Variants in PRKCB observed in about 807,000 individuals in gnomAD.
PRKCB encodes the protein protein kinase C beta type.
PRKCB carries 13 observed loss-of-function variants against 81.5 expected under a neutral mutation model. The ratio of observed to expected loss-of-function variants is 0.16; its 90% CI spans 0.10 to 0.25. The LOEUF (loss-of-function observed/expected upper bound fraction) is 0.25, where lower values mean the gene tolerates loss of function less well. Among genes scored for constraint, PRKCB ranks in the 10% least tolerant of loss-of-function variants. The pLI, the probability that PRKCB is intolerant of heterozygous loss-of-function variation, is 1.00. For synonymous variants in PRKCB, 335 were observed against 321.4 expected, an observed-to-expected ratio of 1.04 and a Z score of -0.45; for missense variants, 509 against 875.7, an observed-to-expected ratio of 0.58 and a Z score of 5.29.
At chr16:24,191,418 A>T in intron 16 of PRKCB, 188 bp downstream of exon 16, 5 of 565,416 alleles carry the variant, frequency 8.8e-6, no homozygotes, top group Non-Finnish European at 6.0e-6. Context: ...GGCCCAGCTT[A>T]GTCTCTATAA....
At chr16:24,079,716 T>C (rs1369746056) in intron 5 of PRKCB, among the ~76,000 whole-genome samples, 2 of 152,202 alleles carry the variant, frequency 1.3e-5, no homozygotes, top group African/African-American at 4.8e-5. Context: ...CTAAGCCTCT[T>C]ATACAATACT....
At chr16:24,000,831 A>T (rs534776576) in intron 3 of PRKCB, among the ~76,000 whole-genome samples, 2 of 152,214 alleles carry the variant, frequency 1.3e-5, no homozygotes, top group Non-Finnish European at 2.9e-5. Context: ...ATGCAGTGCT[A>T]AGAAAAGAAC....
chr16:23,976,472 C>G (rs894686274), intron 2 of PRKCB, among the ~76,000 whole-genome samples: 4 of 152,202 alleles, frequency 2.6e-5, no homozygotes, highest in Non-Finnish European at 5.9e-5. Context: ...TGAATCCCCA[C>G]TGTGGCCCAG....
At chr16:24,132,794 T>C (rs1013495093) in intron 9 of PRKCB, among the ~76,000 whole-genome samples, 4 of 60,104 alleles carry the variant, frequency 6.7e-5, no homozygotes, top group Non-Finnish European at 1.3e-4. Context: ...TTTTTTTTTC[T>C]TCTAGAGACA....
chr16:23,927,500 A>G (rs1963913135), intron 2 of PRKCB, among the ~76,000 whole-genome samples: 1 of 152,036 alleles, frequency 6.6e-6, no homozygotes, highest in Non-Finnish European at 1.5e-5. Context: ...TCTAAGCATT[A>G]CATGATTAGA....
At position 23,881,594 on chromosome 16, in the gene PRKCB, A is replaced by G. The variant is rs573123001; in HGVS notation, c.205+44188A>G. ...AAAAATATTTTATTCCTTTTAGACT[A>G]TTTAGCCACAGTTTTCCATTCTATT... On this transcript the variant is annotated intron_variant, in intron 2 of 16. Coordinates refer to ENST00000643927, the MANE Select transcript of PRKCB (RefSeq NM_002738.7). 4.2e-4 allele frequency among the ~76,000 whole-genome samples: 64 copies of G among 152,304 alleles called. No homozygotes were observed. The South Asian group carries it at 0.013, about 30-fold the overall frequency.
intron 5 of PRKCB, among the ~76,000 whole-genome samples, chr16:24,045,459 C>T (rs1965752277): frequency 6.6e-6 from 1 of 152,228 alleles, no homozygotes; most frequent in South Asian, 2.1e-4. Flanking sequence ...GAACCACCTC[C>T]TCTTCTCTGT....
At chr16:24,193,997 T>C (rs1030329573) in intron 16 of PRKCB, among the ~76,000 whole-genome samples, 11 of 152,024 alleles carry the variant, frequency 7.2e-5, no homozygotes, top group Admixed American at 6.6e-4. Context: ...AAGGGCTTAG[T>C]GAAAGGGTGT....
chr16:24,050,086 C>T (rs995858930), intron 5 of PRKCB, among the ~76,000 whole-genome samples: 1 of 152,162 alleles, frequency 6.6e-6, no homozygotes, highest in Non-Finnish European at 1.5e-5. Flanking sequence ...GAAGCTTTTA[C>T]AGGCACTGGT....
intron 5 of PRKCB, among the ~76,000 whole-genome samples, chr16:24,082,624 A>G (rs1966264719): frequency 6.6e-6 from 1 of 152,228 alleles, no homozygotes; most frequent in Non-Finnish European, 1.5e-5. Context: ...CGGTCTTTCA[A>G]CAAATGATGT....
intron 3 of PRKCB, among the ~76,000 whole-genome samples, chr16:24,027,438 G>A (rs1466471563): frequency 6.6e-6 from 1 of 152,172 alleles, no homozygotes; most frequent in Non-Finnish European, 1.5e-5. Context: ...TGCCAAAAGG[G>A]ATCCCTTAGT....
chr16:23,990,653 C>T (rs1486739760), intron 3 of PRKCB, among the ~76,000 whole-genome samples: 1 of 151,486 alleles, frequency 6.6e-6, no homozygotes, highest in Admixed American at 6.6e-5. Context: ...GCTCTAGCAA[C>T]CCCCCCACCT....
chr16:24,191,426 T>A, intron 16 of PRKCB, 196 bp downstream of exon 16: 2 of 550,708 alleles, frequency 3.6e-6, no homozygotes, highest in Non-Finnish European at 6.1e-6. Context: ...TTAGTCTCTA[T>A]AAAGATGGAA....
chr16:24,073,627 G>A (rs930034246), intron 5 of PRKCB, among the ~76,000 whole-genome samples: 2 of 152,142 alleles, frequency 1.3e-5, no homozygotes, highest in Non-Finnish European at 2.9e-5. Context: ...GAGCCATTGC[G>A]CCTGGCCGGT....
chr16:23,915,689 C>CATAAAAAAAA (rs1963726518), intron 2 of PRKCB, among the ~76,000 whole-genome samples: 1 of 54,530 alleles, frequency 1.8e-5, no homozygotes, highest in Admixed American at 3.2e-4. Context: ...GACTCTCTAT[C>CATAAAAAAAA]AAAAAAAAAA....
chr16:24,028,072 A>G (rs1567349668), intron 3 of PRKCB, among the ~76,000 whole-genome samples: 1 of 152,208 alleles, frequency 6.6e-6, no homozygotes, highest in East Asian at 1.9e-4. Flanking sequence ...TACTGTGCCC[A>G]GCAAAATTCA....
chr16:23,992,216 G>T (rs918568998), intron 3 of PRKCB, among the ~76,000 whole-genome samples: 1 of 152,170 alleles, frequency 6.6e-6, no homozygotes. Flanking sequence ...AATCACTCAG[G>T]TTTTGGTATT....
intron 12 of PRKCB, among the ~76,000 whole-genome samples, chr16:24,178,481 A>G (rs950164377): frequency 8.5e-5 from 13 of 152,232 alleles, no homozygotes; most frequent in Non-Finnish European, 5.9e-5. Flanking sequence ...TCACTTCCCT[A>G]GTCTACCCAG....
intron 10 of PRKCB, among the ~76,000 whole-genome samples, chr16:24,168,687 A>G (rs1176476265): frequency 1.4e-5 from 2 of 144,566 alleles, no homozygotes; most frequent in East Asian, 4.0e-4. Context: ...AGTAGCTGGG[A>G]CTACAGGTGC....
Sources: gnomAD v4.1 joint callset for allele counts (sites outside exome capture counted in the v4.1 genomes callset) on GRCh38, gnomAD v4.1.1 for gene constraint, MANE v1.5 for transcripts, NCBI Gene and HGNC (gene_info 2026-07-23, HGNC 2026-07-21) for gene names.